LCLAT1: variants seen among roughly 807,000 people sequenced by gnomAD.
LCLAT1 encodes the protein lysocardiolipin acyltransferase 1, also known as 1-AGP acyltransferase 8.
A neutral mutation model predicts 30.7 loss-of-function variants in LCLAT1; 11 were observed. That is an observed-to-expected ratio of 0.36 (90% CI 0.23 to 0.59). LCLAT1 has a LOEUF of 0.59. Ranked by LOEUF, LCLAT1 falls within the 20% of genes least tolerant of loss-of-function variation. LCLAT1 has a pLI of 0.77. For missense variants in LCLAT1, 402 were observed against 458.6 expected (o/e 0.88, Z 1.13); for synonymous variants, 155 against 151.3 (o/e 1.02, Z -0.18).
Position 30,626,805 on chromosome 2 carries a change from C to T in LCLAT1, c.629-13312C>T, listed in dbSNP as rs114360875. ...CTTTCTATTGCAGTCTTCATTGTATCCTATAGATTCTCTTTTTCATTGCTT... is the reference window on the plus strand; with the variant it reads ...CTTTCTATTGCAGTCTTCATTGTATTCTATAGATTCTCTTTTTCATTGCTT... On this transcript the variant is annotated intron_variant, in intron 5 of 5. Coordinates refer to ENST00000379509, the MANE Select transcript of LCLAT1 (RefSeq NM_001002257.3). Among the ~76,000 whole-genome samples the T allele has an allele frequency of 2.8e-3, 418 of 151,890 alleles. 3 individuals are homozygous for T. Among genetic ancestry groups the T allele is most frequent in the African/African-American group, 9.6e-3 (397 of 41,454 alleles).
At chr2:30,632,040 C>T (rs1203430790) in intron 5 of LCLAT1, among the ~76,000 whole-genome samples, 1 of 152,156 alleles carries the variant, frequency 6.6e-6, no homozygotes, top group Non-Finnish European at 1.5e-5. Context: ...GAGAGATAAA[C>T]AGCACTGAAA....
chr2:30,620,779 A>C (rs1243065911), intron 5 of LCLAT1, among the ~76,000 whole-genome samples: 1 of 152,180 alleles, frequency 6.6e-6, no homozygotes, highest in Admixed American at 6.5e-5. Context: ...AAACAATAAA[A>C]AATTCGTTTT....
In LCLAT1 at chr2:30,608,189, C is replaced by T. The variant is rs573599472; in HGVS notation, c.629-31928C>T. On this transcript the variant is annotated intron_variant, in intron 5 of 5. Transcript: ENST00000379509. ...TACAAATATTAGCTGGGCGTGGTGG[C>T]AGGTGCCTCTATTCCCATCTACTTG... Among the ~76,000 whole-genome samples, 19 of 151,548 alleles carry T rather than the reference C, an allele frequency of 1.3e-4. No homozygotes were observed. In the East Asian group the frequency reaches 3.7e-3, roughly 30 times the overall value.
At chr2:30,533,344 T>C in intron 3 of LCLAT1, 30 bp downstream of exon 3, 1 of 1,575,474 alleles carries the variant, frequency 6.3e-7, no homozygotes, top group Non-Finnish European at 8.7e-7. Context: ...TTTTAAGTGG[T>C]TCATTCATTT....
At chr2:30,536,226 T>C (rs765332950) in intron 3 of LCLAT1, among the ~76,000 whole-genome samples, 20 of 152,164 alleles carry the variant, frequency 1.3e-4, no homozygotes, top group Non-Finnish European at 2.9e-4. Flanking sequence ...ACCTACTTAA[T>C]GAAATAATAG....
chr2:30,467,229 G>A (rs1363301362), intron 1 of LCLAT1, among the ~76,000 whole-genome samples: 3 of 152,096 alleles, frequency 2.0e-5, no homozygotes, highest in African/African-American at 7.2e-5. Flanking sequence ...TGAGAATGAT[G>A]GTTTCCAGCT....
rs573810742 is a variant in LCLAT1, at chr2:30,465,820, T to C, written c.-5+18437T>C. 2.0e-5 allele frequency among the ~76,000 whole-genome samples: 3 copies of C among 152,318 alleles called. No homozygotes were observed. In the East Asian group the frequency reaches 5.8e-4, roughly 29 times the overall value. On this transcript the variant is annotated intron_variant, in intron 1 of 5. Coordinates refer to ENST00000379509, the MANE Select transcript of LCLAT1 (RefSeq NM_001002257.3). The stretch of plus-strand genomic sequence containing the variant: ...TTGAATTGAGGACAATAAAGTGTAT[T>C]TATTTCTCTTATTAGTGAAGTGGCA...
chr2:30,503,371 T>C (rs911241037), intron 1 of LCLAT1, among the ~76,000 whole-genome samples: 1 of 152,232 alleles, frequency 6.6e-6, no homozygotes, highest in African/African-American at 2.4e-5. Context: ...TGTGGACATA[T>C]GTTTTCATTT....
intron 1 of LCLAT1, chr2:30,476,659 A>G (rs1386280915): frequency 1.3e-5 from 5 of 388,386 alleles, no homozygotes; most frequent in Non-Finnish European, 2.5e-5. Flanking sequence ...TTATTTCATT[A>G]TATATTACAG....
intron 5 of LCLAT1, among the ~76,000 whole-genome samples, chr2:30,583,249 T>C (rs2148468422): frequency 6.6e-6 from 1 of 152,354 alleles, no homozygotes; most frequent in East Asian, 1.9e-4. Context: ...GTTTCTCAGA[T>C]GCATCTATTG....
At chr2:30,630,690 T>A (rs936123142) in intron 5 of LCLAT1, among the ~76,000 whole-genome samples, 1 of 152,250 alleles carries the variant, frequency 6.6e-6, no homozygotes, top group Non-Finnish European at 1.5e-5. Flanking sequence ...ATCTGTAGTT[T>A]TTTATGAACC....
At chr2:30,476,339 A>G (rs1474569857) in intron 1 of LCLAT1, 2 of 455,822 alleles carry the variant, frequency 4.4e-6, no homozygotes, top group Non-Finnish European at 8.8e-6. Flanking sequence ...CAGTTTATGT[A>G]AAATAATAGT....
chr2:30,502,844 C>A (rs889881847), intron 1 of LCLAT1, among the ~76,000 whole-genome samples: 7 of 152,238 alleles, frequency 4.6e-5, no homozygotes, highest in South Asian at 4.1e-4. Context: ...GGTGAGCCCC[C>A]AAATTGGGGC....
At chr2:30,530,041 G>A (rs546718982) in intron 2 of LCLAT1, among the ~76,000 whole-genome samples, 1 of 152,206 alleles carries the variant, frequency 6.6e-6, no homozygotes, top group South Asian at 2.1e-4. Context: ...GGAACACTTG[G>A]ACATAGTAAG....
At chr2:30,505,469 G>C (rs1684614034) in intron 1 of LCLAT1, among the ~76,000 whole-genome samples, 1 of 151,762 alleles carries the variant, frequency 6.6e-6, no homozygotes, top group Non-Finnish European at 1.5e-5. Flanking sequence ...CCTATGAACA[G>C]CATATGTCTA....
At chr2:30,589,976 T>A (rs1439030235) in intron 5 of LCLAT1, among the ~76,000 whole-genome samples, 1 of 152,198 alleles carries the variant, frequency 6.6e-6, no homozygotes, top group Non-Finnish European at 1.5e-5. Flanking sequence ...TATGGCATTT[T>A]AAATTCTATT....
At chr2:30,501,026 A>T (rs1220091473) in intron 1 of LCLAT1, among the ~76,000 whole-genome samples, 1 of 151,064 alleles carries the variant, frequency 6.6e-6, no homozygotes, top group Non-Finnish European at 1.5e-5. Context: ...CCTGTTGACC[A>T]ACTCCTCTTC....
rs1314642437 is a variant in LCLAT1 at position 30,640,833 on chromosome 2, G to C, written c.*214G>C. The C allele has an allele frequency of 3.9e-6, 2 of 513,740 alleles. No homozygotes were observed. Among genetic ancestry groups the C allele is most frequent in the Admixed American group, 3.8e-5 (1 of 26,124 alleles). 31.8% of individuals were successfully genotyped at this position (513,740 alleles called of 1,614,324 possible). ...ATTTCGATACTGTGTACATAGCAGG[G>C]AGTGATCGGGGTGAAATAACTTGGG... On this transcript the variant is annotated 3_prime_UTR_variant, in exon 6 of 6. Coordinates refer to ENST00000379509, the MANE Select transcript of LCLAT1 (RefSeq NM_001002257.3).
intron 1 of LCLAT1, among the ~76,000 whole-genome samples, chr2:30,458,105 A>G (rs980780320): frequency 6.6e-6 from 1 of 152,136 alleles, no homozygotes; most frequent in African/African-American, 2.4e-5. Context: ...ACTGGCAATA[A>G]TTGGAAAGAA....
Sources: gnomAD v4.1 joint callset for allele counts (sites outside exome capture counted in the v4.1 genomes callset) on GRCh38, gnomAD v4.1.1 for gene constraint, MANE v1.5 for transcripts, NCBI Gene and HGNC (gene_info 2026-07-23, HGNC 2026-07-21) for gene names.